Variants in PTPRG observed in about 807,000 individuals in gnomAD.
PTPRG encodes the protein receptor-type tyrosine-protein phosphatase gamma.
PTPRG carries 102 observed loss-of-function variants against 165.3 expected under a neutral mutation model. The ratio of observed to expected loss-of-function variants is 0.62; its 90% CI spans 0.53 to 0.73. The LOEUF (loss-of-function observed/expected upper bound fraction) is 0.73, where lower values mean the gene tolerates loss of function less well. Among genes scored for constraint, PTPRG ranks in the 30% least tolerant of loss-of-function variants. The probability of loss-of-function intolerance (pLI) is 0.00; values close to 1 mark genes in which losing one functional copy is unlikely to be tolerated. For synonymous variants in PTPRG, 675 were observed against 669.5 expected, an observed-to-expected ratio of 1.01 and a Z score of -0.13; for missense variants, 1,866 against 1,861.4, an observed-to-expected ratio of 1.00 and a Z score of -0.05.
intron 1 of PTPRG, among the ~76,000 whole-genome samples, chr3:61,657,845 T>C (rs1388897261): frequency 6.6e-6 from 1 of 152,186 alleles, no homozygotes; most frequent in Non-Finnish European, 1.5e-5. Context: ...CTCTTTGTCC[T>C]TAAGTTGATC....
intron 2 of PTPRG, among the ~76,000 whole-genome samples, chr3:61,883,900 G>C (rs1161356008): frequency 6.6e-6 from 1 of 152,110 alleles, no homozygotes; most frequent in African/African-American, 2.4e-5. Context: ...GTTTTTTGTA[G>C]AGACAGGGTC....
chr3:62,133,251 C>T lies in PTPRG; in HGVS notation c.682+583C>T, dbSNP rs562373342. ...AATTTCCCTGCAACTGTATTATCTG[C>T]ACTGCATCATTACCTATGACATCAA... On this transcript the variant is annotated intron_variant, in intron 6 of 29. Coordinates refer to ENST00000474889, the MANE Select transcript of PTPRG (RefSeq NM_002841.4). Among the ~76,000 whole-genome samples the T allele has an allele frequency of 2.6e-5, 4 of 152,322 alleles. No individual in the cohort carries two copies. The South Asian group carries it at 8.3e-4, about 32-fold the overall frequency.
chr3:61,999,789 A>T (rs147767455), intron 3 of PTPRG, among the ~76,000 whole-genome samples: 2 of 152,180 alleles, frequency 1.3e-5, no homozygotes, highest in Non-Finnish European at 2.9e-5. Context: ...AAATAAATCA[A>T]TCTTGCTCAT....
chr3:61,607,599 A>G (rs189426303), intron 1 of PTPRG, among the ~76,000 whole-genome samples: 16 of 152,314 alleles, frequency 1.1e-4, no homozygotes, highest in African/African-American at 3.8e-4. Flanking sequence ...GGTCTGAGCA[A>G]AGATAACAGA....
chr3:62,109,722 C>G (rs111471585), intron 5 of PTPRG, among the ~76,000 whole-genome samples: 156 of 152,240 alleles, frequency 1.0e-3, no homozygotes, highest in African/African-American at 3.7e-3. Flanking sequence ...AGAGGGAGGC[C>G]CAACCAGTGC....
chr3:62,077,576 C>G (rs1360006288), intron 4 of PTPRG, among the ~76,000 whole-genome samples: 2 of 152,226 alleles, frequency 1.3e-5, no homozygotes, highest in East Asian at 3.9e-4. Flanking sequence ...CATGACCTGG[C>G]TATTAGAGGA....
intron 4 of PTPRG, among the ~76,000 whole-genome samples, chr3:62,060,376 T>G (rs1350273721): frequency 6.6e-6 from 1 of 152,116 alleles, no homozygotes; most frequent in Non-Finnish European, 1.5e-5. Context: ...CAAGCAGTAA[T>G]AGGTAAATAG....
intron 16 of PTPRG, among the ~76,000 whole-genome samples, chr3:62,260,567 A>G (rs1219528213): frequency 6.6e-6 from 1 of 152,192 alleles, no homozygotes; most frequent in Non-Finnish European, 1.5e-5. Context: ...GTTCTTTTTG[A>G]GAATTCTAGC....
chr3:61,982,285 C>G (rs558898414), intron 2 of PTPRG, among the ~76,000 whole-genome samples: 1 of 152,192 alleles, frequency 6.6e-6, no homozygotes, highest in Admixed American at 6.5e-5. Flanking sequence ...TTGTTGAAGC[C>G]AGTTTCCTGT....
chr3:61,976,529 C>T (rs903131127), intron 2 of PTPRG, among the ~76,000 whole-genome samples: 3 of 152,152 alleles, frequency 2.0e-5, no homozygotes, highest in Non-Finnish European at 4.4e-5. Flanking sequence ...ATATTAGCAA[C>T]CTACAGGGTT....
In PTPRG at chr3:61,607,601, G is replaced by C. The variant is rs909146749; in HGVS notation, c.85+45229G>C. Among the ~76,000 whole-genome samples, 9 of 152,132 alleles carry C rather than the reference G, an allele frequency of 5.9e-5. 1 individual carries two copies. Among genetic ancestry groups the C allele is most frequent in the Admixed American group, 2.0e-4 (3 of 15,268 alleles). ...GTGGTAGAGGGAAGGTCTGAGCAAA[G>C]ATAACAGAGTGGCTACAAACTTAAT... On this transcript the variant is annotated intron_variant, in intron 1 of 29. Transcript: ENST00000474889.
intron 2 of PTPRG, among the ~76,000 whole-genome samples, chr3:61,759,757 C>T (rs1441714998): frequency 6.6e-6 from 1 of 151,282 alleles, no homozygotes; most frequent in Non-Finnish European, 1.5e-5. Flanking sequence ...TCCTGTGATA[C>T]AAATATTTGA....
At chr3:61,666,519 C>T (rs1025612840) in intron 1 of PTPRG, among the ~76,000 whole-genome samples, 10 of 152,162 alleles carry the variant, frequency 6.6e-5, no homozygotes, top group African/African-American at 2.4e-4. Flanking sequence ...TTTCTTGCAT[C>T]TAGCAATGGA....
intron 1 of PTPRG, among the ~76,000 whole-genome samples, chr3:61,605,656 AC>A (rs1428681569): frequency 2.7e-5 from 4 of 150,658 alleles, no homozygotes; most frequent in African/African-American, 9.8e-5. Flanking sequence ...GCTGCCTTGA[AC>A]TCCTGGCCTC....
At chr3:62,006,174 A>T (rs2041294408) in intron 4 of PTPRG, among the ~76,000 whole-genome samples, 1 of 152,154 alleles carries the variant, frequency 6.6e-6, no homozygotes, top group African/African-American at 2.4e-5. Flanking sequence ...GTCAGATGGT[A>T]AGGCTGCCTA....
intron 1 of PTPRG, among the ~76,000 whole-genome samples, chr3:61,671,965 G>A (rs1703013292): frequency 7.5e-6 from 1 of 133,314 alleles, no homozygotes; most frequent in Non-Finnish European, 1.6e-5. Flanking sequence ...TTCCCAGACG[G>A]GGTGGCTGCT....
intron 2 of PTPRG, among the ~76,000 whole-genome samples, chr3:61,838,129 A>C (rs2107319481): frequency 6.6e-6 from 1 of 152,344 alleles, no homozygotes; most frequent in East Asian, 1.9e-4. Flanking sequence ...CTGAGATTTC[A>C]GATGGTGAAT....
intron 1 of PTPRG, among the ~76,000 whole-genome samples, chr3:61,591,976 A>T (rs1700580569): frequency 6.6e-6 from 1 of 150,956 alleles, no homozygotes; most frequent in African/African-American, 2.5e-5. Context: ...GTGGAGTGCT[A>T]ATTTTTTTTT....
chr3:61,982,968 G>A (rs2040675266), intron 2 of PTPRG, among the ~76,000 whole-genome samples: 1 of 152,154 alleles, frequency 6.6e-6, no homozygotes, highest in Admixed American at 6.5e-5. Context: ...ATGAAATGGA[G>A]TACTGCAGTT....
Sources: allele counts gnomAD v4.1 joint callset (sites outside exome capture counted in the v4.1 genomes callset), GRCh38; gene constraint gnomAD v4.1.1; transcripts MANE v1.5; gene names NCBI Gene and HGNC (gene_info 2026-07-23, HGNC 2026-07-21).